Variants in COL15A1 observed in about 807,000 individuals in gnomAD.
COL15A1 encodes collagen alpha-1(XV) chain.
In COL15A1, 111 loss-of-function variants were observed where a neutral mutation model predicts 165.9. The ratio of observed to expected loss-of-function variants is 0.67; its 90% confidence interval spans 0.57 to 0.78. The LOEUF (loss-of-function observed/expected upper bound fraction) is 0.78, where lower values mean the gene tolerates loss of function less well. COL15A1 is among the 30% of genes least tolerant of loss of function. The pLI is 0.00. For synonymous variants in COL15A1, 659 were observed against 674.8 expected (o/e 0.98, Z 0.36); for missense variants, 1,745 against 1,789.7 (o/e 0.98, Z 0.45).
intron 5 of COL15A1, among the ~76,000 whole-genome samples, chr9:98,995,069 C>T (rs1036796605): frequency 1.3e-5 from 2 of 152,198 alleles, no homozygotes; most frequent in East Asian, 3.9e-4. Flanking sequence ...CTACCAGCCA[C>T]CAGCAGCCTC....
chr9:99,070,044 C>A lies in COL15A1; in HGVS notation c.*158C>A. 1 of 615,836 alleles carries A rather than the reference C, an allele frequency of 1.6e-6. No homozygotes were observed. Among genetic ancestry groups the A allele is most frequent in the Non-Finnish European group, 2.8e-6 (1 of 363,092 alleles). The allele number at this position is 615,836 out of a possible 1,614,324, so 38.1% of individuals were successfully genotyped here. A position where few individuals can be genotyped will look rare whatever the true frequency, so the allele number is the denominator to read the frequency against. On this transcript the variant is annotated 3_prime_UTR_variant, in exon 42 of 42. Transcript: ENST00000375001. ...CAAAGAAAACATACCTCAATACACTCAAAACTGAAGACATAGAGGACTCAG... is the reference window on the plus strand; with the variant it reads ...CAAAGAAAACATACCTCAATACACTAAAAACTGAAGACATAGAGGACTCAG...
At chr9:98,962,964 GT>G (rs1837886574) in intron 2 of COL15A1, among the ~76,000 whole-genome samples, 1 of 152,216 alleles carries the variant, frequency 6.6e-6, no homozygotes, top group Non-Finnish European at 1.5e-5. Flanking sequence ...GAATAGAAAT[GT>G]GTGTGTTGAT....
chr9:99,047,707 A>C, intron 26 of COL15A1, 79 bp from the exon 27 acceptor site: 1 of 1,473,592 alleles, frequency 6.8e-7, no homozygotes, highest in Non-Finnish European at 9.5e-7. Context: ...CACTGCCTGC[A>C]AAAGCGGGCT....
intron 2 of COL15A1, among the ~76,000 whole-genome samples, chr9:98,975,965 G>C (rs775269777): frequency 1.3e-5 from 2 of 152,222 alleles, no homozygotes; most frequent in South Asian, 2.1e-4. Flanking sequence ...GCAAAGACAC[G>C]GGGGGAGAAT....
Position 99,001,137 on chromosome 9 carries a change from G to A in COL15A1, c.1065+186G>A, listed in dbSNP as rs186319584. On this transcript the variant is annotated intron_variant, in intron 7 of 41. Coordinates refer to ENST00000375001, the MANE Select transcript of COL15A1 (RefSeq NM_001855.5). ...CCCAGGGCCACAGAGGCTCTCCAGG[G>A]ATGCACAGGACTGGTGGGGGATATG... is the stretch of plus-strand genomic sequence containing the variant. Among the ~76,000 whole-genome samples the A allele has an allele frequency of 1.4e-3, 208 of 152,310 alleles. 1 individual carries two copies. The highest frequency in any genetic ancestry group is 4.5e-3 in the African/African-American group (189 of 41,558).
In COL15A1 at chr9:98,959,227, C is replaced by CAAAAAAAAA. The variant is rs60892848; in HGVS notation, c.100+14989_100+14997dup. Reference sequence around the variant, plus strand: ...GCAACATAGTGAGACCCTGTCTCTACAAAAAAAAAAAAAAAAAAAACTAAA... The same window carrying CAAAAAAAAA: ...GCAACATAGTGAGACCCTGTCTCTACAAAAAAAAAAAAAAAAAAAAAAAAAAAAACTAAA... On this transcript the variant is annotated intron_variant, in intron 2 of 41. Coordinates refer to ENST00000375001, the MANE Select transcript of COL15A1 (RefSeq NM_001855.5). Among the ~76,000 whole-genome samples the CAAAAAAAAA allele has an allele frequency of 2.3e-4, 17 of 73,200 alleles. No homozygotes were observed. In the East Asian group the frequency reaches 5.6e-3, roughly 24 times the overall value. The allele number at this position is 73,200 out of a possible 152,430, so 48.0% of individuals were successfully genotyped here. A position where few individuals can be genotyped will look rare whatever the true frequency, so the allele number is the denominator to read the frequency against.
rs201734908 is a variant in COL15A1 at position 99,024,268 on chromosome 9, G to GTTTTTTTTTTTTTTTTTT, written c.1855-598_1855-597insTTTTTTTTTTTTTTTTTT. The stretch of plus-strand genomic sequence containing the variant: ...TAAAAACAAGGCTACACCACAAGCA[G>GTTTTTTTTTTTTTTTTTT]TTTTTTTTGTTTTTTTGTTTTTTTT... On this transcript the variant is annotated intron_variant, in intron 14 of 41. Transcript: ENST00000375001. Among the ~76,000 whole-genome samples the GTTTTTTTTTTTTTTTTTT allele has an allele frequency of 2.2e-3, 288 of 131,444 alleles. 16 individuals are homozygous for GTTTTTTTTTTTTTTTTTT. Among genetic ancestry groups the GTTTTTTTTTTTTTTTTTT allele is most frequent in the East Asian group, 3.9e-3 (17 of 4,378 alleles). 86.2% of individuals were successfully genotyped at this position (131,444 alleles called of 152,430 possible).
At chr9:99,043,127 T>G (rs1035767297) in intron 24 of COL15A1, among the ~76,000 whole-genome samples, 1 of 151,692 alleles carries the variant, frequency 6.6e-6, no homozygotes, top group Non-Finnish European at 1.5e-5. Flanking sequence ...CTCTGTGGGA[T>G]GGGGGAACTC....
intron 2 of COL15A1, among the ~76,000 whole-genome samples, chr9:98,952,607 G>C (rs1837707321): frequency 6.6e-6 from 1 of 151,822 alleles, no homozygotes; most frequent in South Asian, 2.1e-4. Context: ...GGCTGGTCTT[G>C]AACTCCTGGG....
rs1185234176 is a variant in COL15A1, at chr9:99,015,538, CCATGGCCCCTGAGCGGGCAGT to C, written c.1478_1498del (p.Met493_Val499del). On this transcript the variant is annotated inframe_deletion, in exon 10 of 42. Coordinates refer to ENST00000375001, the MANE Select transcript of COL15A1 (RefSeq NM_001855.5). ...GATGGCCTGGCTCCCCTCACAGCCA[CCATGGCCCCTGAGCGGGCAGT>C]CACTTCTGTAAGTGTCATCTTGTGT... The C allele has an allele frequency of 1.2e-6, 2 of 1,613,936 alleles. No homozygotes were observed. Among genetic ancestry groups the C allele is most frequent in the Non-Finnish European group, 1.7e-6 (2 of 1,179,966 alleles).
At chr9:99,014,366 A>G (rs904678749) in intron 9 of COL15A1, among the ~76,000 whole-genome samples, 7 of 152,248 alleles carry the variant, frequency 4.6e-5, no homozygotes, top group Non-Finnish European at 7.3e-5. Flanking sequence ...TCCTAGAAGC[A>G]GGAAAACTTG....
At position 99,035,436 on chromosome 9, in the gene COL15A1, C is replaced by A. The variant is rs1477757373; in HGVS notation, c.2289+18C>A. ...CTGCAATTGTAGGTCGCCTCTGAAA[C>A]CTTCATTATGAGGGTTGTCACACTG... On this transcript the variant is annotated intron_variant, in intron 19 of 41. Transcript: ENST00000375001. 1 of 1,613,892 alleles carries A rather than the reference C, an allele frequency of 6.2e-7. No homozygotes were observed. The highest frequency in any genetic ancestry group is 1.7e-5 in the Admixed American group (1 of 59,994).
rs201734908 is a variant in COL15A1 at position 99,024,268 on chromosome 9, G to GTTTTTTTTTTTTTTTTTTTTTTTT, written c.1855-598_1855-597insTTTTTTTTTTTTTTTTTTTTTTTT. The stretch of plus-strand genomic sequence containing the variant: ...TAAAAACAAGGCTACACCACAAGCA[G>GTTTTTTTTTTTTTTTTTTTTTTTT]TTTTTTTTGTTTTTTTGTTTTTTTT... On this transcript the variant is annotated intron_variant, in intron 14 of 41. Transcript: ENST00000375001. Among the ~76,000 whole-genome samples, 251 of 131,394 alleles carry GTTTTTTTTTTTTTTTTTTTTTTTT rather than the reference G, an allele frequency of 1.9e-3. 26 individuals are homozygous for GTTTTTTTTTTTTTTTTTTTTTTTT. The highest frequency in any genetic ancestry group is 3.8e-3 in the Middle Eastern group (1 of 260). 86.2% of individuals were successfully genotyped at this position (131,394 alleles called of 152,430 possible).
chr9:98,998,918 A>G (rs1400147558), intron 6 of COL15A1, among the ~76,000 whole-genome samples: 2 of 152,208 alleles, frequency 1.3e-5, no homozygotes, highest in African/African-American at 4.8e-5. Flanking sequence ...TGGCTAAGCA[A>G]AGCCCCTAAT....
intron 2 of COL15A1, among the ~76,000 whole-genome samples, chr9:98,947,085 A>C (rs557102012): frequency 6.6e-6 from 1 of 152,206 alleles, no homozygotes; most frequent in Non-Finnish European, 1.5e-5. Flanking sequence ...GCCACCCAAA[A>C]ACTCATATGT....
At chr9:98,973,974 C>T (rs780250104) in intron 2 of COL15A1, among the ~76,000 whole-genome samples, 5 of 152,210 alleles carry the variant, frequency 3.3e-5, no homozygotes, top group Non-Finnish European at 7.3e-5. Context: ...AGGGACTGCT[C>T]AAAGTCATAT....
intron 21 of COL15A1, among the ~76,000 whole-genome samples, chr9:99,036,808 A>T (rs1345315351): frequency 2.0e-5 from 3 of 152,326 alleles, no homozygotes; most frequent in Admixed American, 2.0e-4. Flanking sequence ...ACCCAGTGGG[A>T]GAGCCACATG....
intron 16 of COL15A1, among the ~76,000 whole-genome samples, chr9:99,029,786 A>G (rs4743313): frequency 0.33 from 50,503 of 151,954 alleles, 9,576 homozygotes; most frequent in East Asian, 0.65. Context: ...TTAGCTGGGC[A>G]TGGTGGTGGG....
chr9:98,985,701 C>G lies in COL15A1; in HGVS notation c.237C>G (p.Ala79=), dbSNP rs1838298578. The change falls in exon 3 of 42, where the codon GCC becomes GCG. Residue 79 remains alanine (A), a synonymous_variant. Coordinates refer to ENST00000375001, the MANE Select transcript of COL15A1 (RefSeq NM_001855.5). ...FGPGANVGRP[A]RTLIPSTFFR... is the part of the protein sequence containing the mutation. ...CTGGTGCCAATGTTGGCCGCCCAGC[C>G]AGGACTCTCATCCCATCCACCTTCT... 6.2e-7 allele frequency: 1 copy of G among 1,614,240 alleles called. No individual in the cohort carries two copies. The highest frequency in any genetic ancestry group is 2.2e-5 in the East Asian group (1 of 44,888).
Sources: allele counts gnomAD v4.1 joint callset (sites outside exome capture counted in the v4.1 genomes callset), GRCh38; gene constraint gnomAD v4.1.1; transcripts MANE v1.5; gene names NCBI Gene and HGNC (gene_info 2026-07-23, HGNC 2026-07-21).